EYS: variants seen among roughly 807,000 people sequenced by gnomAD.
EYS encodes protein eyes shut homolog.
In EYS, 250 loss-of-function variants were observed where a neutral mutation model predicts 282.1. The observed-to-expected ratio is 0.89, with a 90% CI of 0.80 to 0.98. The LOEUF is 0.98. Ranked by LOEUF, EYS falls within the 50% of genes least tolerant of loss-of-function variation. The probability of loss-of-function intolerance (pLI) is 0.00; values close to 1 mark genes in which losing one functional copy is unlikely to be tolerated. For synonymous variants in EYS, 1,355 were observed against 1,282.9 expected, an observed-to-expected ratio of 1.06 and a Z score of -1.20; for missense variants, 4,016 against 3,709.0, an observed-to-expected ratio of 1.08 and a Z score of -2.15.
intron 26 of EYS, among the ~76,000 whole-genome samples, chr6:64,526,777 G>A (rs759950843): frequency 6.6e-5 from 10 of 151,904 alleles, no homozygotes; most frequent in Admixed American, 1.3e-4. Context: ...GGAATTAAAT[G>A]ACATATAATC....
intron 35 of EYS, among the ~76,000 whole-genome samples, chr6:63,887,400 C>T (rs1010142049): frequency 6.8e-6 from 1 of 146,798 alleles, no homozygotes; most frequent in Non-Finnish European, 1.5e-5. Flanking sequence ...CAGTCTGCAG[C>T]TCCCACTGAG....
At chr6:64,281,775 G>A (rs6941680) in intron 30 of EYS, among the ~76,000 whole-genome samples, 5,546 of 152,066 alleles carry the variant, frequency 0.036, 318 homozygotes, top group African/African-American at 0.13. Flanking sequence ...GTGCATATAT[G>A]GCATGATTTT....
At chr6:63,746,557 G>A (rs1582165977) in intron 41 of EYS, among the ~76,000 whole-genome samples, 1 of 152,028 alleles carries the variant, frequency 6.6e-6, no homozygotes. Flanking sequence ...TCTGGTCCTC[G>A]GCTGTTTTTG....
chr6:64,802,023 C>CTTTTTTTCTTTTTT (rs1663451250), intron 22 of EYS, among the ~76,000 whole-genome samples: 4 of 70,778 alleles, frequency 5.7e-5, no homozygotes, highest in African/African-American at 2.0e-4. Flanking sequence ...ATTTCTTTTT[C>CTTTTTTTCTTTTTT]TTTTTTTTTC....
intron 12 of EYS, among the ~76,000 whole-genome samples, chr6:65,102,697 T>C (rs959589637): frequency 6.6e-6 from 1 of 151,324 alleles, no homozygotes; most frequent in African/African-American, 2.4e-5. Context: ...AAAATTAAGT[T>C]AAAATGCTGA....
intron 2 of EYS, among the ~76,000 whole-genome samples, chr6:65,594,672 A>G (rs1765344839): frequency 6.6e-6 from 1 of 152,070 alleles, no homozygotes; most frequent in Non-Finnish European, 1.5e-5. Context: ...GTTTAATTAG[A>G]TTCCCTTTGT....
chr6:65,144,867 C>A (rs147804822), intron 12 of EYS, among the ~76,000 whole-genome samples: 1 of 151,536 alleles, frequency 6.6e-6, no homozygotes, highest in Non-Finnish European at 1.5e-5. Context: ...CAGGTTCAAG[C>A]GATTCTCCTG....
intron 19 of EYS, among the ~76,000 whole-genome samples, chr6:64,824,792 T>C (rs530157395): frequency 2.8e-4 from 42 of 151,992 alleles, no homozygotes; most frequent in African/African-American, 1.0e-3. Flanking sequence ...AAGGCAAACA[T>C]GTCTCAGTTT....
At chr6:65,434,425 A>T (rs749576687) in intron 5 of EYS, among the ~76,000 whole-genome samples, 1 of 150,202 alleles carries the variant, frequency 6.7e-6, no homozygotes, top group African/African-American at 2.5e-5. Context: ...CGTTCACGCC[A>T]TTCTCCTGCC....
chr6:65,562,093 T>G (rs2127345871), intron 2 of EYS, among the ~76,000 whole-genome samples: 1 of 151,920 alleles, frequency 6.6e-6, no homozygotes, highest in East Asian at 1.9e-4. Context: ...CATATACACA[T>G]ATAGCATGCA....
At chr6:64,534,758 T>G in intron 26 of EYS, among the ~76,000 whole-genome samples, 1 of 152,160 alleles carries the variant, frequency 6.6e-6, no homozygotes. Context: ...TCTCAATACA[T>G]TGCTTAATTC....
intron 31 of EYS, among the ~76,000 whole-genome samples, chr6:64,221,274 G>A (rs1008948880): frequency 2.6e-5 from 4 of 152,148 alleles, no homozygotes; most frequent in Non-Finnish European, 4.4e-5. Context: ...TGGCATGTTC[G>A]GTGTAATGAG....
intron 36 of EYS, among the ~76,000 whole-genome samples, chr6:63,835,492 A>G (rs928244236): frequency 9.2e-5 from 14 of 152,064 alleles, no homozygotes; most frequent in African/African-American, 3.4e-4. Flanking sequence ...TGAAAAATCA[A>G]ACATCATATG....
chr6:65,191,642 A>T (rs1298100184), intron 12 of EYS, among the ~76,000 whole-genome samples: 1 of 151,860 alleles, frequency 6.6e-6, no homozygotes, highest in East Asian at 1.9e-4. Flanking sequence ...GCATCACAGC[A>T]TTGGGAGAGA....
chr6:63,861,737 C>T (rs1427257988), intron 36 of EYS, among the ~76,000 whole-genome samples: 1 of 152,136 alleles, frequency 6.6e-6, no homozygotes, highest in Non-Finnish European at 1.5e-5. Flanking sequence ...GGGATTAGTG[C>T]CCTTATAAAA....
rs3036008 is a variant in EYS at position 65,119,630 on chromosome 6, C to CTTTTTTTTT, written c.2024-61912_2024-61904dup. ...TTTTAAAATTTCTTAGCCTTTTTAT[C>CTTTTTTTTT]TTTTTTTTTTTTTTGCCTAAATCAG... is the stretch of plus-strand genomic sequence containing the variant. On this transcript the variant is annotated intron_variant, in intron 12 of 42. Transcript: ENST00000503581. Among the ~76,000 whole-genome samples the CTTTTTTTTT allele has an allele frequency of 7.8e-4, 106 of 135,320 alleles. 2 individuals are homozygous for CTTTTTTTTT. The highest frequency in any genetic ancestry group is 1.3e-3 in the Non-Finnish European group (85 of 64,366). The allele number at this position is 135,320 out of a possible 152,430, so 88.8% of individuals were successfully genotyped here.
intron 26 of EYS, among the ~76,000 whole-genome samples, chr6:64,553,073 C>A (rs930814568): frequency 6.6e-6 from 1 of 152,098 alleles, no homozygotes; most frequent in African/African-American, 2.4e-5. Flanking sequence ...CTTATGTCTC[C>A]CTAAAATGTA....
At chr6:64,489,835 T>C (rs1196659723) in intron 26 of EYS, among the ~76,000 whole-genome samples, 1 of 150,768 alleles carries the variant, frequency 6.6e-6, no homozygotes, top group African/African-American at 2.4e-5. Flanking sequence ...TATATACTTC[T>C]GGTTACATAT....
chr6:63,897,597 G>A (rs868480840), intron 35 of EYS, among the ~76,000 whole-genome samples: 20 of 152,144 alleles, frequency 1.3e-4, no homozygotes, highest in African/African-American at 4.1e-4. Flanking sequence ...TGGTTTCACC[G>A]CAGTGAAATT....
Sources: gnomAD v4.1 joint callset for allele counts (sites outside exome capture counted in the v4.1 genomes callset) on GRCh38, gnomAD v4.1.1 for gene constraint, MANE v1.5 for transcripts, NCBI Gene and HGNC (gene_info 2026-07-23, HGNC 2026-07-21) for gene names.